Variants in CDH12 observed in about 807,000 individuals in gnomAD.
CDH12 encodes cadherin-12.
A neutral mutation model predicts 74.1 loss-of-function variants in CDH12; 41 were observed. That is an observed-to-expected ratio of 0.55 (90% CI 0.43 to 0.72). The LOEUF (loss-of-function observed/expected upper bound fraction) is 0.72, where lower values mean the gene tolerates loss of function less well. Among genes scored for constraint, CDH12 ranks in the 30% least tolerant of loss-of-function variants. The pLI, the probability that CDH12 is intolerant of heterozygous loss-of-function variation, is 0.00. For synonymous variants in CDH12, 399 were observed against 355.0 expected (o/e 1.12, Z -1.39); for missense variants, 945 against 977.2 (o/e 0.97, Z 0.44).
chr5:22,136,135 T>G (rs1208063493), intron 4 of CDH12, among the ~76,000 whole-genome samples: 1 of 151,820 alleles, frequency 6.6e-6, no homozygotes, highest in African/African-American at 2.4e-5. Context: ...AAATATGTGA[T>G]GAAAAATAAG....
At chr5:22,699,139 A>T (rs1742578794) in intron 1 of CDH12, among the ~76,000 whole-genome samples, 2 of 152,162 alleles carry the variant, frequency 1.3e-5, no homozygotes, top group South Asian at 4.1e-4. Context: ...AAACGAGATG[A>T]TTCAGTCTTA....
chr5:22,643,391 T>C (rs1739253383), intron 1 of CDH12, among the ~76,000 whole-genome samples: 1 of 152,170 alleles, frequency 6.6e-6, no homozygotes, highest in Admixed American at 6.6e-5. Context: ...GCTTCAAACA[T>C]GATATTTCTA....
At chr5:22,701,829 A>G (rs1742729025) in intron 1 of CDH12, among the ~76,000 whole-genome samples, 1 of 152,180 alleles carries the variant, frequency 6.6e-6, no homozygotes. Flanking sequence ...ATGGTTTCAA[A>G]TATTCTGGGT....
chr5:21,915,568 T>G (rs1444208699), intron 6 of CDH12, among the ~76,000 whole-genome samples: 1 of 152,050 alleles, frequency 6.6e-6, no homozygotes, highest in Non-Finnish European at 1.5e-5. Flanking sequence ...GGGTTTTGAG[T>G]TTGAAATGCC....
In CDH12 at chr5:21,817,140, G is replaced by A. The variant is rs778611536; in HGVS notation, c.815-8C>T. 2 of 1,589,052 alleles carry A rather than the reference G, an allele frequency of 1.3e-6. No individual in the cohort carries two copies. Among genetic ancestry groups the A allele is most frequent in the Non-Finnish European group, 1.7e-6 (2 of 1,166,526 alleles). On this transcript the variant is annotated splice_region_variant and splice_polypyrimidine_tract_variant and intron_variant, in intron 8 of 14. Transcript: ENST00000382254. ...CTTTCAAGTGGAAGATGCCTGATAA[G>A]ACATATAAAATTTGAATTGACAGTG...
intron 5 of CDH12, among the ~76,000 whole-genome samples, chr5:22,003,919 C>T (rs187439088): frequency 2.0e-5 from 3 of 147,270 alleles, no homozygotes; most frequent in African/African-American, 7.4e-5. Flanking sequence ...AAGCTTCATG[C>T]TATGTTAAAA....
intron 5 of CDH12, among the ~76,000 whole-genome samples, chr5:22,053,519 C>G (rs1331656866): frequency 6.6e-6 from 1 of 150,604 alleles, no homozygotes; most frequent in Non-Finnish European, 1.5e-5. Context: ...ATCACGGTGG[C>G]TGCCATTCTG....
chr5:21,999,877 T>C (rs1736505192), intron 5 of CDH12, among the ~76,000 whole-genome samples: 1 of 151,852 alleles, frequency 6.6e-6, no homozygotes, highest in African/African-American at 2.4e-5. Flanking sequence ...TAATTAACTT[T>C]GTATGTGTAA....
chr5:22,741,697 C>T (rs1327213261), intron 1 of CDH12, among the ~76,000 whole-genome samples: 1 of 152,162 alleles, frequency 6.6e-6, no homozygotes, highest in East Asian at 1.9e-4. Flanking sequence ...TGACAATTTT[C>T]TAAAAGCTCT....
intron 1 of CDH12, among the ~76,000 whole-genome samples, chr5:22,848,257 A>G (rs1160793207): frequency 1.3e-5 from 2 of 152,176 alleles, no homozygotes; most frequent in Admixed American, 6.5e-5. Flanking sequence ...AGGAATATCC[A>G]TGTCTGTCCA....
intron 1 of CDH12, among the ~76,000 whole-genome samples, chr5:22,556,425 A>T (rs1289461383): frequency 6.6e-6 from 1 of 152,078 alleles, no homozygotes; most frequent in East Asian, 1.9e-4. Context: ...AAAGTTAGTG[A>T]CTTCAGGCAC....
intron 3 of CDH12, among the ~76,000 whole-genome samples, chr5:22,267,079 A>G (rs889722480): frequency 2.6e-5 from 4 of 152,134 alleles, no homozygotes; most frequent in Admixed American, 1.3e-4. Flanking sequence ...ATGTTAATCA[A>G]TTTAACTCCC....
At chr5:22,139,101 A>G (rs1472692982) in intron 4 of CDH12, 1 of 150,394 alleles carries the variant, frequency 6.6e-6, no homozygotes, top group Non-Finnish European at 1.5e-5. Context: ...TAAAAATAAT[A>G]GTAATAATTC....
At chr5:22,590,013 G>A (rs919365538) in intron 1 of CDH12, among the ~76,000 whole-genome samples, 5 of 152,108 alleles carry the variant, frequency 3.3e-5, no homozygotes, top group South Asian at 2.1e-4. Flanking sequence ...GTAAGACGTC[G>A]ATATATGGGA....
intron 3 of CDH12, among the ~76,000 whole-genome samples, chr5:22,225,141 G>A (rs926137639): frequency 1.3e-5 from 2 of 151,860 alleles, no homozygotes; most frequent in African/African-American, 4.8e-5. Context: ...ATAACGATTC[G>A]GTTGCACCCT....
chr5:22,255,008 C>T (rs894358273), intron 3 of CDH12, among the ~76,000 whole-genome samples: 2 of 151,764 alleles, frequency 1.3e-5, no homozygotes, highest in South Asian at 4.1e-4. Flanking sequence ...ATTTTTGTAC[C>T]CATTAATTCT....
intron 1 of CDH12, among the ~76,000 whole-genome samples, chr5:22,627,161 A>G (rs1738342249): frequency 6.6e-6 from 1 of 152,310 alleles, no homozygotes; most frequent in South Asian, 2.1e-4. Context: ...CTTGAAAAAC[A>G]TATTTGAGGA....
intron 4 of CDH12, among the ~76,000 whole-genome samples, chr5:22,210,966 A>G (rs1751499639): frequency 6.6e-6 from 1 of 152,212 alleles, no homozygotes; most frequent in Non-Finnish European, 1.5e-5. Context: ...AGAACAAGAG[A>G]AGTAGATAAA....
intron 1 of CDH12, among the ~76,000 whole-genome samples, chr5:22,764,865 G>A (rs1026817827): frequency 6.6e-6 from 1 of 151,922 alleles, no homozygotes; most frequent in African/African-American, 2.4e-5. Flanking sequence ...GACAAAGAAA[G>A]TCGGAGAAAT....
Sources: allele counts gnomAD v4.1 joint callset (sites outside exome capture counted in the v4.1 genomes callset), GRCh38; gene constraint gnomAD v4.1.1; transcripts MANE v1.5; gene names NCBI Gene and HGNC (gene_info 2026-07-23, HGNC 2026-07-21).